SORCS3: variants seen among roughly 807,000 people sequenced by gnomAD.
The protein encoded by SORCS3 is VPS10 domain-containing receptor SorCS3.
SORCS3 carries 57 observed loss-of-function variants against 146.3 expected under a neutral mutation model. The observed-to-expected ratio is 0.39, with a 90% confidence interval of 0.31 to 0.49. SORCS3 has a LOEUF of 0.49. Among genes scored for constraint, SORCS3 ranks in the 20% least tolerant of loss-of-function variants. The pLI, the probability that SORCS3 is intolerant of heterozygous loss-of-function variation, is 0.92. For missense variants in SORCS3, 1,341 were observed against 1,575.5 expected (o/e 0.85, Z 2.52); for synonymous variants, 653 against 618.5 (o/e 1.06, Z -0.83).
intron 3 of SORCS3, among the ~76,000 whole-genome samples, chr10:104,974,411 A>T (rs1326515414): frequency 2.6e-5 from 4 of 152,110 alleles, no homozygotes; most frequent in Non-Finnish European, 1.5e-5. Flanking sequence ...TAGGATAGTT[A>T]GCTCTTCTTG....
chr10:105,060,753 C>T (rs543295470), intron 5 of SORCS3, among the ~76,000 whole-genome samples: 6 of 152,190 alleles, frequency 3.9e-5, no homozygotes, highest in Admixed American at 3.9e-4. Context: ...GCCTGACCAA[C>T]ATGGAGAAAC....
At chr10:105,045,470 C>T (rs966035664) in intron 5 of SORCS3, among the ~76,000 whole-genome samples, 4 of 151,732 alleles carry the variant, frequency 2.6e-5, no homozygotes, top group South Asian at 2.1e-4. Flanking sequence ...ATAATTACCG[C>T]GATTATTCTT....
intron 6 of SORCS3, among the ~76,000 whole-genome samples, chr10:105,096,937 A>G (rs779413392): frequency 2.6e-5 from 4 of 152,276 alleles, no homozygotes; most frequent in Non-Finnish European, 5.9e-5. Flanking sequence ...AATAAAACAT[A>G]TAAATGAACT....
intron 1 of SORCS3, among the ~76,000 whole-genome samples, chr10:104,746,354 T>C (rs1041302315): frequency 6.6e-6 from 1 of 152,172 alleles, no homozygotes; most frequent in Non-Finnish European, 1.5e-5. Flanking sequence ...GCCAGGATGG[T>C]CTCGATCTCC....
intron 5 of SORCS3, among the ~76,000 whole-genome samples, chr10:105,060,120 T>C (rs921149688): frequency 2.0e-5 from 3 of 152,082 alleles, no homozygotes; most frequent in African/African-American, 7.2e-5. Context: ...GCATCAGTAA[T>C]GTGTTCATGG....
At chr10:104,764,993 A>G (rs1260619232) in intron 1 of SORCS3, among the ~76,000 whole-genome samples, 1 of 152,224 alleles carries the variant, frequency 6.6e-6, no homozygotes, top group Non-Finnish European at 1.5e-5. Flanking sequence ...GATGTCTGCC[A>G]TCACAGAGGT....
intron 1 of SORCS3, among the ~76,000 whole-genome samples, chr10:104,765,541 G>T (rs919468413): frequency 2.0e-5 from 3 of 152,200 alleles, no homozygotes; most frequent in Non-Finnish European, 4.4e-5. Context: ...CAGGTATTCA[G>T]TCACTGTTGG....
intron 1 of SORCS3, among the ~76,000 whole-genome samples, chr10:104,736,306 G>A (rs1378902970): frequency 6.6e-6 from 1 of 152,136 alleles, no homozygotes; most frequent in Non-Finnish European, 1.5e-5. Context: ...GTTGAGGGGG[G>A]CAGGACTGAG....
At chr10:104,907,999 A>G (rs2018925875) in intron 2 of SORCS3, among the ~76,000 whole-genome samples, 1 of 152,250 alleles carries the variant, frequency 6.6e-6, no homozygotes, top group East Asian at 1.9e-4. Flanking sequence ...GGAAACATTA[A>G]TGCTTTTCCA....
At chr10:105,178,661 T>C (rs950901252) in intron 14 of SORCS3, among the ~76,000 whole-genome samples, 2 of 152,070 alleles carry the variant, frequency 1.3e-5, no homozygotes, top group African/African-American at 2.4e-5. Context: ...TTCAGATTAT[T>C]TCACTGTAAA....
chr10:104,902,019 G>C (rs1198600099), intron 2 of SORCS3, among the ~76,000 whole-genome samples: 1 of 152,140 alleles, frequency 6.6e-6, no homozygotes, highest in African/African-American at 2.4e-5. Context: ...AGAATGTTGG[G>C]GATGGCAGGG....
chr10:104,770,749 T>C (rs997212742), intron 1 of SORCS3, among the ~76,000 whole-genome samples: 4 of 151,902 alleles, frequency 2.6e-5, no homozygotes, highest in African/African-American at 9.7e-5. Flanking sequence ...CGGTGGATGA[T>C]TTGAGCCTGG....
chr10:104,929,354 C>G (rs2133609633), intron 3 of SORCS3, among the ~76,000 whole-genome samples: 1 of 152,354 alleles, frequency 6.6e-6, no homozygotes, highest in South Asian at 2.1e-4. Context: ...TTCCTAGGCA[C>G]TCCATATCAA....
At chr10:105,185,293 C>A (rs924927877) in intron 14 of SORCS3, among the ~76,000 whole-genome samples, 3 of 152,196 alleles carry the variant, frequency 2.0e-5, no homozygotes, top group African/African-American at 7.2e-5. Context: ...ACAGGTGTAT[C>A]TTGCTTGGTG....
intron 4 of SORCS3, among the ~76,000 whole-genome samples, chr10:105,039,394 C>A (rs1388756031): frequency 6.7e-6 from 1 of 149,990 alleles, no homozygotes; most frequent in African/African-American, 2.5e-5. Context: ...CAGAGATAGG[C>A]AAGGTAGGAG....
intron 13 of SORCS3, among the ~76,000 whole-genome samples, chr10:105,176,141 T>G (rs896814535): frequency 6.6e-6 from 1 of 152,154 alleles, no homozygotes; most frequent in Non-Finnish European, 1.5e-5. Flanking sequence ...TCCTTATTAT[T>G]TCATTCATGT....
chr10:104,736,509 G>T (rs2016774608), intron 1 of SORCS3, among the ~76,000 whole-genome samples: 1 of 152,196 alleles, frequency 6.6e-6, no homozygotes, highest in South Asian at 2.1e-4. Context: ...TCAAGATTTA[G>T]AAGTATATTT....
chr10:105,089,044 C>T (rs994076308), intron 5 of SORCS3, among the ~76,000 whole-genome samples: 5 of 152,152 alleles, frequency 3.3e-5, no homozygotes, highest in African/African-American at 9.7e-5. Context: ...GCCTAGGTCT[C>T]TAATTTAGGA....
chr10:105,183,460 C>T lies in SORCS3; in HGVS notation c.2009+5287C>T, dbSNP rs933346566. 5.9e-5 allele frequency among the ~76,000 whole-genome samples: 9 copies of T among 152,234 alleles called. No homozygotes were observed. In the South Asian group the frequency reaches 1.2e-3, roughly 21 times the overall value. ...TCTTTTAAATACAGCCTTAGCACAA[C>T]GCAGAGGCTCAGCACTGAGCTTAAA... is the stretch of plus-strand genomic sequence containing the variant. On this transcript the variant is annotated intron_variant, in intron 14 of 26. Transcript: ENST00000369701.
Sources: allele counts gnomAD v4.1 joint callset (sites outside exome capture counted in the v4.1 genomes callset), GRCh38; gene constraint gnomAD v4.1.1; transcripts MANE v1.5; gene names NCBI Gene and HGNC (gene_info 2026-07-23, HGNC 2026-07-21).